CDH13: variants seen among roughly 807,000 people sequenced by gnomAD.
CDH13 encodes the protein cadherin 13, also known as cadherin-13.
Under a neutral mutation model 63.8 loss-of-function variants are expected in CDH13, and 24 were observed. That is an observed-to-expected ratio of 0.38 (90% CI 0.27 to 0.53). The LOEUF (loss-of-function observed/expected upper bound fraction) is 0.53, where lower values mean the gene tolerates loss of function less well. Ranked by LOEUF, CDH13 falls within the 20% of genes least tolerant of loss-of-function variation. CDH13 has a pLI of 0.85. For synonymous variants in CDH13, 503 were observed against 355.3 expected, an observed-to-expected ratio of 1.42 and a Z score of -4.67; for missense variants, 1,049 against 903.1, an observed-to-expected ratio of 1.16 and a Z score of -2.07.
At chr16:83,395,160 A>G (rs981428242) in intron 6 of CDH13, among the ~76,000 whole-genome samples, 13 of 151,188 alleles carry the variant, frequency 8.6e-5, no homozygotes, top group Admixed American at 7.2e-4. Context: ...AAAAAAAAAA[A>G]AAAAATAGCT....
intron 3 of CDH13, among the ~76,000 whole-genome samples, chr16:83,065,396 C>T (rs539367891): frequency 4.5e-4 from 68 of 152,212 alleles, no homozygotes; most frequent in African/African-American, 1.5e-3. Flanking sequence ...GCTGCTAATT[C>T]AAAGAAACAG....
chr16:83,567,986 A>G lies in CDH13; in HGVS notation c.961-34468A>G, dbSNP rs532940374. Reference sequence around the variant, plus strand: ...ATTCTGCAGAGTGCTGCCCACATTCACTTGGGGAATCAGCAGCATGTACAC... The same window carrying G: ...ATTCTGCAGAGTGCTGCCCACATTCGCTTGGGGAATCAGCAGCATGTACAC... On this transcript the variant is annotated intron_variant, in intron 7 of 13. Transcript: ENST00000567109. 1.2e-4 allele frequency among the ~76,000 whole-genome samples: 19 copies of G among 152,264 alleles called. No individual in the cohort carries two copies. In the East Asian group the frequency reaches 3.7e-3, roughly 29 times the overall value.
intron 1 of CDH13, among the ~76,000 whole-genome samples, chr16:82,711,641 C>T (rs7204590): frequency 0.039 from 5,875 of 152,230 alleles, 243 homozygotes; most frequent in African/African-American, 0.1. Context: ...CTTGGGCTCC[C>T]CCACCTTGTC....
At chr16:83,100,859 T>C (rs2034441709) in intron 3 of CDH13, among the ~76,000 whole-genome samples, 3 of 152,302 alleles carry the variant, frequency 2.0e-5, no homozygotes, top group South Asian at 4.1e-4. Context: ...GCAGGGACTT[T>C]TGTACAGCGT....
At chr16:83,478,173 AC>A (rs201521044) in intron 6 of CDH13, among the ~76,000 whole-genome samples, 21 of 150,774 alleles carry the variant, frequency 1.4e-4, no homozygotes, top group Admixed American at 2.0e-4. Flanking sequence ...AAAAAAAAAA[AC>A]ATCAAAAGAT....
At chr16:83,357,368 C>A (rs909829783) in intron 6 of CDH13, among the ~76,000 whole-genome samples, 1 of 152,152 alleles carries the variant, frequency 6.6e-6, no homozygotes, top group Non-Finnish European at 1.5e-5. Context: ...CACATACACA[C>A]ACATGAAATC....
chr16:83,183,158 C>T (rs2038403673), intron 4 of CDH13, among the ~76,000 whole-genome samples: 1 of 152,052 alleles, frequency 6.6e-6, no homozygotes, highest in South Asian at 2.1e-4. Flanking sequence ...GTATTTCAAC[C>T]TGATAAAAGG....
intron 5 of CDH13, among the ~76,000 whole-genome samples, chr16:83,290,315 C>A (rs764264465): frequency 6.6e-6 from 1 of 152,284 alleles, no homozygotes; most frequent in Non-Finnish European, 1.5e-5. Flanking sequence ...CCACCCACAT[C>A]TCACCTTGAA....
chr16:83,089,986 C>T (rs553472911), intron 3 of CDH13, among the ~76,000 whole-genome samples: 3 of 152,142 alleles, frequency 2.0e-5, no homozygotes, highest in African/African-American at 7.2e-5. Context: ...CCTCTAAGAT[C>T]CCTCACATTT....
intron 2 of CDH13, among the ~76,000 whole-genome samples, chr16:82,997,632 G>A (rs1912392894): frequency 6.6e-6 from 1 of 152,104 alleles, no homozygotes; most frequent in African/African-American, 2.4e-5. Context: ...AGCCCAGGTT[G>A]TTCTTATCCC....
chr16:83,356,601 A>C (rs1462485851), intron 6 of CDH13, among the ~76,000 whole-genome samples: 1 of 152,068 alleles, frequency 6.6e-6, no homozygotes, highest in Non-Finnish European at 1.5e-5. Flanking sequence ...TATCTATACA[A>C]ATACCTTTGA....
At chr16:83,004,136 G>T (rs1425868396) in intron 2 of CDH13, among the ~76,000 whole-genome samples, 1 of 152,154 alleles carries the variant, frequency 6.6e-6, no homozygotes, top group Non-Finnish European at 1.5e-5. Flanking sequence ...TACTGAGTCC[G>T]ACCAGCAGAA....
chr16:83,760,867 A>G (rs1460110979), intron 11 of CDH13, among the ~76,000 whole-genome samples: 1 of 152,234 alleles, frequency 6.6e-6, no homozygotes, highest in Non-Finnish European at 1.5e-5. Context: ...GCATTTAGAC[A>G]GACTCTCAGC....
At chr16:83,726,093 G>A (rs409607) in intron 10 of CDH13, 109,593 of 152,178 alleles carry the variant, frequency 0.72, 39,487 homozygotes, top group East Asian at 0.87. Flanking sequence ...GCATTTTCAT[G>A]TAGAGAAAAC....
At chr16:83,700,363 A>G (rs1354033840) in intron 10 of CDH13, among the ~76,000 whole-genome samples, 1 of 152,226 alleles carries the variant, frequency 6.6e-6, no homozygotes, top group East Asian at 1.9e-4. Flanking sequence ...ACATGCCAGA[A>G]GACCAAAAGG....
chr16:83,249,699 A>G (rs1027889452), intron 5 of CDH13, among the ~76,000 whole-genome samples: 2 of 152,178 alleles, frequency 1.3e-5, no homozygotes, highest in Non-Finnish European at 2.9e-5. Context: ...TATTAGGGAT[A>G]TGTCTGTCTC....
chr16:82,779,856 A>G (rs2035668660), intron 1 of CDH13, among the ~76,000 whole-genome samples: 1 of 137,268 alleles, frequency 7.3e-6, no homozygotes, highest in East Asian at 2.1e-4. Flanking sequence ...CATGGCTCTC[A>G]TAGTATTTTG....
intron 2 of CDH13, among the ~76,000 whole-genome samples, chr16:82,891,123 C>T (rs1487845557): frequency 6.6e-6 from 1 of 151,622 alleles, no homozygotes; most frequent in Admixed American, 6.6e-5. Flanking sequence ...GTCATACTGC[C>T]CCAGCCTCTG....
chr16:83,703,340 A>G (rs1345396572), intron 10 of CDH13, among the ~76,000 whole-genome samples: 1 of 152,238 alleles, frequency 6.6e-6, no homozygotes. Context: ...GGAGTTGTAC[A>G]CTGAAGCCTT....
Sources: gnomAD v4.1 joint callset for allele counts (sites outside exome capture counted in the v4.1 genomes callset) on GRCh38, gnomAD v4.1.1 for gene constraint, MANE v1.5 for transcripts, NCBI Gene and HGNC (gene_info 2026-07-23, HGNC 2026-07-21) for gene names.